SNX5: variants seen among roughly 807,000 people sequenced by gnomAD.
SNX5 encodes sorting nexin-5.
In SNX5, 31 loss-of-function variants were observed where a neutral mutation model predicts 53.9. The observed-to-expected ratio is 0.58, with a 90% CI of 0.43 to 0.78. The LOEUF (loss-of-function observed/expected upper bound fraction) is 0.78. Among genes scored for constraint, SNX5 ranks in the 30% least tolerant of loss-of-function variants. The probability of loss-of-function intolerance (pLI) is 0.00; values close to 1 mark genes in which losing one functional copy is unlikely to be tolerated. For synonymous variants in SNX5, 168 were observed against 171.1 expected (o/e 0.98, Z 0.14); for missense variants, 471 against 478.8 (o/e 0.98, Z 0.15).
At chr20:17,954,843 T>C (rs1568592982) in intron 3 of SNX5, among the ~76,000 whole-genome samples, 1 of 152,182 alleles carries the variant, frequency 6.6e-6, no homozygotes, top group Admixed American at 6.5e-5. Context: ...CCCCAGTGGC[T>C]GGGACTACAG....
chr20:17,959,290 A>C (rs1435438890), intron 1 of SNX5, among the ~76,000 whole-genome samples: 1 of 152,174 alleles, frequency 6.6e-6, no homozygotes, highest in Non-Finnish European at 1.5e-5. Context: ...CCTCTGAATA[A>C]TTATCTTCTC....
rs774213858 is a variant in SNX5, at chr20:17,958,371, G to C, written c.52-1334C>G. Among the ~76,000 whole-genome samples, 11 of 152,144 alleles carry C rather than the reference G, an allele frequency of 7.2e-5. 1 individual carries two copies. Among genetic ancestry groups the C allele is most frequent in the Admixed American group, 2.6e-4 (4 of 15,276 alleles). On this transcript the variant is annotated intron_variant, in intron 1 of 12. Coordinates refer to ENST00000377759, the MANE Select transcript of SNX5 (RefSeq NM_014426.4). The stretch of plus-strand genomic sequence containing the variant: ...CTTAACCTCTAAAACTTGAAAATCT[G>C]GTCAATCAGCTATAAAAAGACTAAA...
At chr20:17,966,203 T>C (rs967021072) in intron 1 of SNX5, among the ~76,000 whole-genome samples, 1 of 152,018 alleles carries the variant, frequency 6.6e-6, no homozygotes, top group African/African-American at 2.4e-5. Context: ...CTGGCCAACA[T>C]GGTGAAACCC....
rs2039586692 is a variant in SNX5, at chr20:17,952,652, G to T, written c.448C>A (p.Leu150Ile). ...VSSHEVFLQR[L>I]SSHPVLSKDR... ...TTACTGAGAACAGGGTGAGAAGAAA[G>T]CCGCTGAAGAAAGACTTCATGGGAG... Residue 150 changes from leucine to isoleucine, a missense_variant, in exon 5 of 13, where the codon CTT (leucine) becomes ATT (isoleucine). Leu to Ile is a conservative substitution (Grantham distance 5, BLOSUM62 2). Transcript: ENST00000377759. The T allele has an allele frequency of 6.2e-7, 1 of 1,614,004 alleles. No homozygotes were observed. The highest frequency in any genetic ancestry group is 8.5e-7 in the Non-Finnish European group (1 of 1,180,008).
At chr20:17,960,650 G>A (rs573899272) in intron 1 of SNX5, among the ~76,000 whole-genome samples, 21 of 149,792 alleles carry the variant, frequency 1.4e-4, no homozygotes, top group Admixed American at 6.0e-4. Flanking sequence ...GGTGGCGTGC[G>A]CCTGTAATCC....
At chr20:17,967,464 G>C (rs1347660501) in intron 1 of SNX5, among the ~76,000 whole-genome samples, 1 of 152,140 alleles carries the variant, frequency 6.6e-6, no homozygotes, top group African/African-American at 2.4e-5. Context: ...TTACTTACTA[G>C]ATGAACAAGT....
At chr20:17,957,236 C>T (rs2035377265) in intron 1 of SNX5, among the ~76,000 whole-genome samples, 199 bp from the exon 2 acceptor site, 1 of 151,932 alleles carries the variant, frequency 6.6e-6, no homozygotes, top group East Asian at 1.9e-4. Flanking sequence ...GAGATGGAGA[C>T]CATCCTGGCT....
Position 17,968,485 on chromosome 20 carries a change from G to A in SNX5, c.-60C>T, listed in dbSNP as rs2035610804. On this transcript the variant is annotated 5_prime_UTR_variant, in exon 1 of 13. Coordinates refer to ENST00000377759, the MANE Select transcript of SNX5 (RefSeq NM_014426.4). ...GTGCGAGGAAAGAAGAAGCTGGGCC[G>A]CCGCCGCCGCCGCCTGGGCGCCTCT... 6.3e-6 allele frequency: 8 copies of A among 1,271,590 alleles called. No homozygotes were observed. The highest frequency in any genetic ancestry group is 6.3e-5 in the East Asian group (2 of 31,834). The allele number at this position is 1,271,590 out of a possible 1,614,324, so 78.8% of individuals were successfully genotyped here.
chr20:17,956,739 A>G (rs1166118915), intron 2 of SNX5, among the ~76,000 whole-genome samples, 194 bp downstream of exon 2: 2 of 148,040 alleles, frequency 1.4e-5, no homozygotes, highest in East Asian at 4.0e-4. Context: ...GGGCTCTGCC[A>G]CAGCAGAATG....
rs1358563694 is a variant in SNX5 at position 17,968,567 on chromosome 20, C to T, written c.-142G>A. ...CTCCCTGCCCGACGGCGGCAGGAGG[C>T]CTCCGGACTCCGCCACCATCCCAGC... On this transcript the variant is annotated 5_prime_UTR_variant, in exon 1 of 13. Transcript: ENST00000377759. 10 of 744,694 alleles carry T rather than the reference C, an allele frequency of 1.3e-5. No individual in the cohort carries two copies. In the South Asian group the frequency reaches 1.7e-4, roughly 12 times the overall value. The allele number at this position is 744,694 out of a possible 1,614,324, so 46.1% of individuals were successfully genotyped here.
intron 1 of SNX5, among the ~76,000 whole-genome samples, chr20:17,959,340 T>C (rs985087076): frequency 6.6e-6 from 1 of 152,248 alleles, no homozygotes; most frequent in Non-Finnish European, 1.5e-5. Flanking sequence ...TACCCCCGAC[T>C]ATACCTGTCT....
At chr20:17,959,653 T>C (rs2035417821) in intron 1 of SNX5, among the ~76,000 whole-genome samples, 1 of 152,228 alleles carries the variant, frequency 6.6e-6, no homozygotes, top group South Asian at 2.1e-4. Flanking sequence ...ATTAACTCAA[T>C]GTCCCCCAGG....
intron 4 of SNX5, among the ~76,000 whole-genome samples, 163 bp from the exon 5 acceptor site, chr20:17,952,873 C>T (rs2039589981): frequency 6.6e-6 from 1 of 152,188 alleles, no homozygotes; most frequent in Non-Finnish European, 1.5e-5. Context: ...GATACTAAGG[C>T]AGTTGCCATT....
At chr20:17,965,054 C>T (rs2122429212) in intron 1 of SNX5, among the ~76,000 whole-genome samples, 1 of 152,300 alleles carries the variant, frequency 6.6e-6, no homozygotes, top group South Asian at 2.1e-4. Flanking sequence ...CATGTTATTT[C>T]CTTAGGCAAG....
intron 1 of SNX5, chr20:17,961,067 C>T (rs2035440442): frequency 1.1e-6 from 1 of 905,464 alleles, no homozygotes; most frequent in Non-Finnish European, 1.3e-6. Context: ...AATCGCAGTG[C>T]TTTTGGTAAG....
chr20:17,953,424 T>C (rs2035300649), intron 4 of SNX5, among the ~76,000 whole-genome samples: 1 of 152,380 alleles, frequency 6.6e-6, no homozygotes, highest in Middle Eastern at 3.4e-3. Context: ...TTGCTGCCTG[T>C]AGACCTGGAC....
At chr20:17,956,839 A>G (rs2035369569) in intron 2 of SNX5, 94 bp downstream of exon 2, 19 of 746,752 alleles carry the variant, frequency 2.5e-5, no homozygotes, top group Non-Finnish European at 4.4e-5. Context: ...ACGAATAGCA[A>G]CTGTTTCAAG....
At chr20:17,965,806 C>T (rs1178145204) in intron 1 of SNX5, among the ~76,000 whole-genome samples, 1 of 151,904 alleles carries the variant, frequency 6.6e-6, no homozygotes, top group Non-Finnish European at 1.5e-5. Context: ...AGAACTAAGG[C>T]GTGGGAAGCT....
intron 1 of SNX5, among the ~76,000 whole-genome samples, chr20:17,957,518 G>C (rs899400362): frequency 5.3e-5 from 8 of 152,054 alleles, no homozygotes; most frequent in African/African-American, 1.4e-4. Context: ...AAACTGAGGG[G>C]AAACCCATTC....
Sources: gnomAD v4.1 joint callset for allele counts (sites outside exome capture counted in the v4.1 genomes callset) on GRCh38, gnomAD v4.1.1 for gene constraint, MANE v1.5 for transcripts, NCBI Gene and HGNC (gene_info 2026-07-23, HGNC 2026-07-21) for gene names.